Variants in MYRFL observed in about 807,000 individuals in gnomAD.
MYRFL encodes the protein myelin regulatory factor-like protein.
A neutral mutation model predicts 109.4 loss-of-function variants in MYRFL; 88 were observed. The ratio of observed to expected loss-of-function variants is 0.80; its 90% CI spans 0.68 to 0.96. The LOEUF (loss-of-function observed/expected upper bound fraction) is 0.96. MYRFL is among the 40% of genes least tolerant of loss of function. The pLI is 0.00. For missense variants in MYRFL, 957 were observed against 954.9 expected (o/e 1.00, Z -0.03); for synonymous variants, 324 against 320.9 (o/e 1.01, Z -0.10).
chr12:69,841,868 T>A (rs1883262738), intron 1 of MYRFL, among the ~76,000 whole-genome samples: 1 of 152,232 alleles, frequency 6.6e-6, no homozygotes. Flanking sequence ...GTAGAATTTA[T>A]TGAGCTGGGA....
At chr12:69,924,982 G>T (rs184225849) in intron 13 of MYRFL, among the ~76,000 whole-genome samples, 2 of 152,302 alleles carry the variant, frequency 1.3e-5, no homozygotes, top group East Asian at 3.9e-4. Flanking sequence ...GGTGAGATAT[G>T]CAAATAAATC....
chr12:69,858,279 C>G (rs975465595), intron 2 of MYRFL, among the ~76,000 whole-genome samples: 2 of 151,750 alleles, frequency 1.3e-5, no homozygotes, highest in Non-Finnish European at 3.0e-5. Context: ...CATTTTGCAT[C>G]TATGTTTATG....
intron 8 of MYRFL, 55 bp from the exon 9 acceptor site, chr12:69,895,316 A>T: frequency 7.9e-7 from 1 of 1,267,186 alleles, no homozygotes; most frequent in Non-Finnish European, 1.1e-6. Context: ...ATATGATCAG[A>T]GATTTGGTGT....
chr12:69,953,764 G>GACACACACACACACACACAC (rs143170206), intron 21 of MYRFL, among the ~76,000 whole-genome samples: 2 of 144,178 alleles, frequency 1.4e-5, no homozygotes, highest in African/African-American at 2.6e-5. Flanking sequence ...GTGCAACCCG[G>GACACACACACACACACACAC]ACACACACAC....
chr12:69,931,450 G>A (rs1186381603), intron 15 of MYRFL, among the ~76,000 whole-genome samples: 1 of 152,088 alleles, frequency 6.6e-6, no homozygotes, highest in African/African-American at 2.4e-5. Context: ...GGTAAAAATG[G>A]TATAGTGAAT....
At chr12:69,950,111 ATT>A (rs34982566) in intron 19 of MYRFL, among the ~76,000 whole-genome samples, 19,395 of 150,238 alleles carry the variant, frequency 0.13, 1,846 homozygotes, top group East Asian at 0.48. Flanking sequence ...AGCATGCTCA[ATT>A]TTTTTTTTTA....
At chr12:69,869,991 G>A (rs1001680846) in intron 2 of MYRFL, among the ~76,000 whole-genome samples, 4 of 151,586 alleles carry the variant, frequency 2.6e-5, no homozygotes, top group Non-Finnish European at 2.9e-5. Context: ...TTGTTTCTCC[G>A]TTCATCCTCC....
chr12:69,954,526 G>T (rs765600557), intron 21 of MYRFL, among the ~76,000 whole-genome samples: 45 of 152,158 alleles, frequency 3.0e-4, no homozygotes, highest in African/African-American at 1.0e-3. Flanking sequence ...ATAATGTTTC[G>T]TTTTGTTGTA....
At chr12:69,875,038 T>C (rs565813179) in intron 2 of MYRFL, among the ~76,000 whole-genome samples, 1 of 151,336 alleles carries the variant, frequency 6.6e-6, no homozygotes, top group Non-Finnish European at 1.5e-5. Context: ...TAAATACATC[T>C]ACCACATCAG....
intron 2 of MYRFL, among the ~76,000 whole-genome samples, chr12:69,870,261 G>A (rs913058800): frequency 1.7e-5 from 2 of 120,422 alleles, no homozygotes; most frequent in African/African-American, 6.2e-5. Flanking sequence ...TATCTTTAGT[G>A]AAGACAGGGT....
At chr12:69,955,846 GAA>G (rs747692000) in intron 22 of MYRFL, among the ~76,000 whole-genome samples, 7 of 97,998 alleles carry the variant, frequency 7.1e-5, no homozygotes, top group Admixed American at 1.1e-4. Context: ...CCAAAAGACA[GAA>G]AAAAAAAAAA....
chr12:69,888,074 T>G (rs1185441006), intron 6 of MYRFL, among the ~76,000 whole-genome samples: 1 of 152,204 alleles, frequency 6.6e-6, no homozygotes, highest in Non-Finnish European at 1.5e-5. Flanking sequence ...GTTGATCAAG[T>G]TTTCAAGGTA....
At chr12:69,902,203 C>G (rs982804298) in intron 10 of MYRFL, among the ~76,000 whole-genome samples, 1 of 152,158 alleles carries the variant, frequency 6.6e-6, no homozygotes, top group Non-Finnish European at 1.5e-5. Context: ...GCCTCTTTCA[C>G]TGCTTCTGTT....
intron 2 of MYRFL, among the ~76,000 whole-genome samples, chr12:69,863,131 G>C (rs959759552): frequency 6.6e-6 from 1 of 151,888 alleles, no homozygotes. Flanking sequence ...GCTTTTTGAT[G>C]TGCTGCTGGA....
chr12:69,936,272 T>G lies in MYRFL; in HGVS notation c.1992-11T>G. ...CCCTCTTTCATTAATCATTTCATTC[T>G]TTTTCTCCAGCAATATCACAAGCTC... On this transcript the variant is annotated splice_polypyrimidine_tract_variant and intron_variant, in intron 17 of 24. Transcript: ENST00000552032. 6.5e-7 allele frequency: 1 copy of G among 1,536,020 alleles called. No homozygotes were observed.
intron 1 of MYRFL, among the ~76,000 whole-genome samples, chr12:69,852,176 G>A (rs1006025482): frequency 6.6e-6 from 1 of 152,088 alleles, no homozygotes; most frequent in South Asian, 2.1e-4. Context: ...CTTTATAAGG[G>A]GAAATTCTCA....
intron 13 of MYRFL, among the ~76,000 whole-genome samples, chr12:69,922,445 A>G (rs1954942591): frequency 6.6e-6 from 1 of 152,208 alleles, no homozygotes; most frequent in Admixed American, 6.5e-5. Flanking sequence ...TTAAAAAAAC[A>G]CTTTTAATGA....
intron 20 of MYRFL, 25 bp downstream of exon 20, chr12:69,952,200 AT>A: frequency 6.5e-7 from 1 of 1,534,310 alleles, no homozygotes; most frequent in Non-Finnish European, 8.7e-7. Context: ...AAGTGACACT[AT>A]TCTTTGGCTT....
At chr12:69,888,443 A>C (rs1176471148) in intron 6 of MYRFL, among the ~76,000 whole-genome samples, 1 of 152,178 alleles carries the variant, frequency 6.6e-6, no homozygotes, top group Non-Finnish European at 1.5e-5. Context: ...TAGGGCATTA[A>C]AATTTTATCA....
Sources: allele counts gnomAD v4.1 joint callset (sites outside exome capture counted in the v4.1 genomes callset), GRCh38; gene constraint gnomAD v4.1.1; transcripts MANE v1.5; gene names NCBI Gene and HGNC (gene_info 2026-07-23, HGNC 2026-07-21).